Variants in SLC9A9 observed in about 807,000 individuals in gnomAD.
SLC9A9 encodes the protein sodium/hydrogen exchanger 9.
A neutral mutation model predicts 77.8 loss-of-function variants in SLC9A9; 62 were observed. The ratio of observed to expected loss-of-function variants is 0.80; its 90% CI spans 0.65 to 0.98. The LOEUF (loss-of-function observed/expected upper bound fraction) is 0.98. Ranked by LOEUF, SLC9A9 falls within the 50% of genes least tolerant of loss-of-function variation. The pLI is 0.00. For missense variants in SLC9A9, 775 were observed against 774.9 expected (o/e 1.00, Z 0.00); for synonymous variants, 320 against 283.5 (o/e 1.13, Z -1.29).
intron 12 of SLC9A9, among the ~76,000 whole-genome samples, chr3:143,417,414 G>A (rs1290206968): frequency 6.6e-6 from 1 of 151,296 alleles, no homozygotes; most frequent in African/African-American, 2.4e-5. Flanking sequence ...ATAATGGTAG[G>A]GTCCTAATTT....
intron 14 of SLC9A9, among the ~76,000 whole-genome samples, chr3:143,340,666 T>G (rs1277821213): frequency 6.6e-6 from 1 of 152,216 alleles, no homozygotes; most frequent in Non-Finnish European, 1.5e-5. Flanking sequence ...TTATCCTATC[T>G]TAGATGCAAT....
At position 143,755,564 on chromosome 3, in the gene SLC9A9, G is replaced by T. The variant is rs190201451; in HGVS notation, c.533+39437C>A. Reference sequence around the variant, plus strand: ...CCGTATTAGAAGCAAGAGGGAACAAGACATTCCATAGATATTTATTGTGAG... The same window carrying T: ...CCGTATTAGAAGCAAGAGGGAACAATACATTCCATAGATATTTATTGTGAG... On this transcript the variant is annotated intron_variant, in intron 4 of 15. Coordinates refer to ENST00000316549, the MANE Select transcript of SLC9A9 (RefSeq NM_173653.4). Among the ~76,000 whole-genome samples the T allele has an allele frequency of 3.0e-4, 46 of 152,238 alleles. 2 individuals are homozygous for T. The highest frequency in any genetic ancestry group is 1.7e-3 in the Admixed American group (26 of 15,286).
chr3:143,644,338 G>A (rs73005542), intron 6 of SLC9A9, among the ~76,000 whole-genome samples: 4 of 152,148 alleles, frequency 2.6e-5, no homozygotes, highest in Admixed American at 2.0e-4. Flanking sequence ...AATTTGTCAC[G>A]CATGACTTGA....
intron 2 of SLC9A9, among the ~76,000 whole-genome samples, chr3:143,813,229 G>A (rs2008916523): frequency 6.6e-6 from 1 of 152,138 alleles, no homozygotes. Context: ...AAATTGGAAG[G>A]AAATTAGGGT....
intron 8 of SLC9A9, among the ~76,000 whole-genome samples, chr3:143,567,937 A>C (rs1405276037): frequency 6.6e-6 from 1 of 152,184 alleles, no homozygotes. Context: ...GCCGTCTTTG[A>C]GACTGTCTTC....
At chr3:143,671,875 C>G (rs763017925) in intron 5 of SLC9A9, among the ~76,000 whole-genome samples, 2 of 152,194 alleles carry the variant, frequency 1.3e-5, no homozygotes, top group African/African-American at 4.8e-5. Flanking sequence ...TGTAATTTCT[C>G]CCCCCTTGGA....
At position 143,266,799 on chromosome 3, in the gene SLC9A9, T is replaced by TG. The variant is rs778690894; in HGVS notation, c.1840dup (p.Gln614ProfsTer10). 2.5e-6 allele frequency: 4 copies of TG among 1,614,076 alleles called. No homozygotes were observed. Among genetic ancestry groups the TG allele is most frequent in the Non-Finnish European group, 2.5e-6 (3 of 1,180,044 alleles). ...ATAAATGTTTTCCTTGCCTGGCGTCTGGGGTGAAGCTTTCTGGTCCAGACC... is the reference window on the plus strand; with the variant it reads ...ATAAATGTTTTCCTTGCCTGGCGTCTGGGGGTGAAGCTTTCTGGTCCAGACC... On this transcript the variant is annotated frameshift_variant, in exon 16 of 16. Coordinates refer to ENST00000316549, the MANE Select transcript of SLC9A9 (RefSeq NM_173653.4). LOFTEE classifies it high-confidence loss of function.
intron 8 of SLC9A9, among the ~76,000 whole-genome samples, chr3:143,562,372 T>C (rs993547109): frequency 1.3e-5 from 2 of 152,058 alleles, no homozygotes; most frequent in Admixed American, 1.3e-4. Flanking sequence ...TGCAGGTTCA[T>C]GGGTAGGGAC....
chr3:143,697,766 A>G (rs1338953823), intron 4 of SLC9A9, among the ~76,000 whole-genome samples: 2 of 151,908 alleles, frequency 1.3e-5, no homozygotes, highest in Non-Finnish European at 1.5e-5. Context: ...ATTTACTCCA[A>G]ATCAACTCCT....
At chr3:143,692,003 A>G (rs1174391362) in intron 5 of SLC9A9, among the ~76,000 whole-genome samples, 3 of 152,206 alleles carry the variant, frequency 2.0e-5, no homozygotes, top group Non-Finnish European at 4.4e-5. Flanking sequence ...GATGAAATAG[A>G]AGGGTCCCAG....
In SLC9A9 at chr3:143,737,828, C is replaced by T. The variant is rs2108814485; in HGVS notation, c.534-44521G>A. ...AAGACAGAATACCCAGTCTCAGTCA[C>T]CCCGGCCCGAGATTTTACCATCAGC... is the stretch of plus-strand genomic sequence containing the variant. On this transcript the variant is annotated intron_variant, in intron 4 of 15. Transcript: ENST00000316549. 3.3e-5 allele frequency among the ~76,000 whole-genome samples: 5 copies of T among 152,242 alleles called. No individual in the cohort carries two copies. The Middle Eastern group carries it at 0.01, about 311-fold the overall frequency.
intron 4 of SLC9A9, among the ~76,000 whole-genome samples, chr3:143,736,616 A>G (rs1428074200): frequency 1.3e-5 from 2 of 152,220 alleles, no homozygotes; most frequent in African/African-American, 4.8e-5. Context: ...TTTTTAAACA[A>G]TAGTGAGAAG....
intron 14 of SLC9A9, among the ~76,000 whole-genome samples, chr3:143,330,223 T>C (rs1247344840): frequency 6.6e-6 from 1 of 152,094 alleles, no homozygotes; most frequent in Non-Finnish European, 1.5e-5. Flanking sequence ...GGGTAAATCT[T>C]TATATATTGG....
At chr3:143,447,723 A>C (rs1280796595) in intron 12 of SLC9A9, among the ~76,000 whole-genome samples, 1 of 152,202 alleles carries the variant, frequency 6.6e-6, no homozygotes, top group Non-Finnish European at 1.5e-5. Context: ...AGCAAACAGG[A>C]GAATAGAGCA....
intron 9 of SLC9A9, among the ~76,000 whole-genome samples, chr3:143,526,244 A>T (rs753273390): frequency 1.3e-5 from 2 of 152,130 alleles, no homozygotes; most frequent in Non-Finnish European, 2.9e-5. Context: ...CACCAAAAGG[A>T]AGTCTGGAGG....
chr3:143,720,008 T>C (rs1325541281), intron 4 of SLC9A9, among the ~76,000 whole-genome samples: 2 of 151,990 alleles, frequency 1.3e-5, no homozygotes, highest in African/African-American at 4.8e-5. Flanking sequence ...TTTTCTCTCA[T>C]ATGTTGCTGT....
rs151026316 is a variant in SLC9A9, at chr3:143,706,613, C to T, written c.534-13306G>A. Among the ~76,000 whole-genome samples, 585 of 152,234 alleles carry T rather than the reference C, an allele frequency of 3.8e-3. 2 individuals carry two copies. The highest frequency in any genetic ancestry group is 0.013 in the African/African-American group (552 of 41,546). The stretch of plus-strand genomic sequence containing the variant: ...GTGAGTCCCCGTCCAAATCCTGTAT[C>T]GGATATCTTGAACAAGGATCCATGA... On this transcript the variant is annotated intron_variant, in intron 4 of 15. Transcript: ENST00000316549.
intron 13 of SLC9A9, among the ~76,000 whole-genome samples, chr3:143,379,875 C>G (rs1416751132): frequency 6.6e-6 from 1 of 152,070 alleles, no homozygotes; most frequent in African/African-American, 2.4e-5. Context: ...TGACTATCTG[C>G]TCTTATTAAT....
chr3:143,324,316 C>T (rs2031511857), intron 14 of SLC9A9, among the ~76,000 whole-genome samples: 1 of 152,198 alleles, frequency 6.6e-6, no homozygotes, highest in Admixed American at 6.5e-5. Context: ...CATCCTGGAT[C>T]CTGAAGCTCC....
Sources: gnomAD v4.1 joint callset for allele counts (sites outside exome capture counted in the v4.1 genomes callset) on GRCh38, gnomAD v4.1.1 for gene constraint, MANE v1.5 for transcripts, NCBI Gene and HGNC (gene_info 2026-07-23, HGNC 2026-07-21) for gene names.